The following MANBA variants were observed in gnomAD, a reference collection of about 807,000 sequenced individuals.
MANBA encodes the protein beta-mannosidase.
MANBA carries 83 observed loss-of-function variants against 111.1 expected under a neutral mutation model. That is an observed-to-expected ratio of 0.75 (90% CI 0.63 to 0.90). MANBA has a LOEUF of 0.90. MANBA is among the 40% of genes least tolerant of loss of function. The pLI is 0.00. For synonymous variants in MANBA, 370 were observed against 378.7 expected (o/e 0.98, Z 0.27); for missense variants, 1,036 against 1,069.0 (o/e 0.97, Z 0.43).
At chr4:102,760,681 G>A in intron 1 of MANBA, 37 bp downstream of exon 1, 2 of 1,503,470 alleles carry the variant, frequency 1.3e-6, no homozygotes. Context: ...AGAAGAAGGC[G>A]GGCGCAGGCT....
In MANBA at chr4:102,642,593, C is replaced by T. The variant is rs564100460; in HGVS notation, c.1870-2736G>A. Among the ~76,000 whole-genome samples, 206 of 152,094 alleles carry T rather than the reference C, an allele frequency of 1.4e-3. No individual in the cohort carries two copies. In the Middle Eastern group the frequency reaches 0.027, roughly 20 times the overall value. On this transcript the variant is annotated intron_variant, in intron 13 of 16. Coordinates refer to ENST00000647097, the MANE Select transcript of MANBA (RefSeq NM_005908.4). Reference sequence around the variant, plus strand: ...CTGCACTCCAGCCTGGACAACAGAGCGAGACTCTGTCTAAAAAAGAAGAAA... The same window carrying T: ...CTGCACTCCAGCCTGGACAACAGAGTGAGACTCTGTCTAAAAAAGAAGAAA...
In MANBA at chr4:102,635,039, C is replaced by T. The variant is rs965082559; in HGVS notation, c.2164G>A (p.Val722Ile). The change falls in exon 16 of 17, where the codon GTC becomes ATC. Residue 722 changes from valine (V) to isoleucine (I), a missense_variant. Coordinates refer to ENST00000647097, the MANE Select transcript of MANBA (RefSeq NM_005908.4). ...GGCTCCAGGGAGCTCCATGTATGGA[C>T]TCTCACCTGGGGAGAAATAAAACAG... ...SDYSMTLSVR[V>I]HTWSSLEPVC... The T allele has an allele frequency of 1.2e-6, 2 of 1,614,042 alleles. No homozygotes were observed. The highest frequency in any genetic ancestry group is 2.7e-5 in the African/African-American group (2 of 74,934).
In MANBA at chr4:102,634,974, T is replaced by G. The variant is rs373563358; in HGVS notation, c.2229A>C (p.Gly743=). The change falls in exon 16 of 17, where the codon GGA becomes GGC. Residue 743 remains glycine (G), a synonymous_variant. Coordinates refer to ENST00000647097, the MANE Select transcript of MANBA (RefSeq NM_005908.4). ...CCTCATAAAGGCAGACAGCCTCTCC[T>G]CCTTTCATCACAAAACGTTCAGTCA... ...SRVTERFVMK[G]GEAVCLYEEP... 2.5e-6 allele frequency: 4 copies of G among 1,614,012 alleles called. No individual in the cohort carries two copies. The highest frequency in any genetic ancestry group is 3.3e-5 in the Admixed American group (2 of 60,010).
intron 7 of MANBA, among the ~76,000 whole-genome samples, chr4:102,680,961 T>G (rs1451018402): frequency 2.0e-5 from 3 of 152,240 alleles, no homozygotes; most frequent in African/African-American, 7.2e-5. Context: ...TAGGCCTATC[T>G]GACCAATTCA....
intron 13 of MANBA, among the ~76,000 whole-genome samples, chr4:102,645,864 G>C (rs754340330): frequency 2.6e-5 from 4 of 152,000 alleles, no homozygotes; most frequent in Non-Finnish European, 5.9e-5. Flanking sequence ...TTCTAATGAG[G>C]TCTTTATTTA....
Position 102,724,027 on chromosome 4 carries a change from CTT to C in MANBA, c.273-62_273-61del, listed in dbSNP as rs1722689894. 3 of 902,922 alleles carry C rather than the reference CTT, an allele frequency of 3.3e-6. No individual in the cohort carries two copies. The Admixed American group carries it at 6.3e-5, about 19-fold the overall frequency. 55.9% of individuals were successfully genotyped at this position (902,922 alleles called of 1,614,324 possible). ...GTAAAGCATTAACTTAGATAAGTCTCTTTTTTATTATTTAAGGCCTAAAGAAA... is the reference window on the plus strand; with the variant it reads ...GTAAAGCATTAACTTAGATAAGTCTCTTTTATTATTTAAGGCCTAAAGAAA... On this transcript the variant is annotated intron_variant, in intron 2 of 16. Transcript: ENST00000647097.
chr4:102,647,607 A>G (rs762500020), intron 13 of MANBA, among the ~76,000 whole-genome samples: 1 of 152,032 alleles, frequency 6.6e-6, no homozygotes, highest in Non-Finnish European at 1.5e-5. Flanking sequence ...ATATGTCAGA[A>G]CACTTTAACA....
At chr4:102,656,062 G>A (rs1048555125) in intron 12 of MANBA, among the ~76,000 whole-genome samples, 6 of 152,152 alleles carry the variant, frequency 3.9e-5, no homozygotes, top group South Asian at 2.1e-4. Flanking sequence ...AGACCAGCCT[G>A]GATGATTTGG....
intron 1 of MANBA, chr4:102,729,432 G>T: frequency 1.6e-6 from 2 of 1,244,942 alleles, no homozygotes; most frequent in Non-Finnish European, 2.3e-6. Context: ...TGTTGTCCAT[G>T]GGCAGCACCA....
intron 6 of MANBA, 87 bp from the exon 7 acceptor site, chr4:102,689,771 A>T (rs1393042356): frequency 3.7e-6 from 3 of 801,298 alleles, no homozygotes; most frequent in Non-Finnish European, 6.7e-6. Flanking sequence ...TCAAATAGTC[A>T]AGTACAAAAC....
chr4:102,729,738 T>C lies in MANBA; in HGVS notation c.178-3055A>G, dbSNP rs1722958129. ...AGTCTTCAGCTGCTGCCTAAGGTTG[T>C]TGATGTAGCTCTGGAACATGTTGTC... On this transcript the variant is annotated intron_variant, in intron 1 of 16. Coordinates refer to ENST00000647097, the MANE Select transcript of MANBA (RefSeq NM_005908.4). 4 of 1,381,934 alleles carry C rather than the reference T, an allele frequency of 2.9e-6. No individual in the cohort carries two copies. The South Asian group carries it at 4.6e-5, about 16-fold the overall frequency. The allele number at this position is 1,381,934 out of a possible 1,614,324, so 85.6% of individuals were successfully genotyped here. A position where few individuals can be genotyped will look rare whatever the true frequency, so the allele number is the denominator to read the frequency against.
intron 8 of MANBA, chr4:102,672,113 G>A (rs1182515256): frequency 5.0e-6 from 2 of 398,640 alleles, no homozygotes; most frequent in East Asian, 7.1e-5. Context: ...TCCCGTGGCT[G>A]TGTCTGGAGA....
chr4:102,752,628 A>C, intron 1 of MANBA: 1 of 585,324 alleles, frequency 1.7e-6, no homozygotes, highest in South Asian at 1.4e-5. Flanking sequence ...ACCACTTTCC[A>C]TGTGGGGGCA....
chr4:102,698,718 C>G (rs1319245771), intron 5 of MANBA, among the ~76,000 whole-genome samples: 1 of 151,802 alleles, frequency 6.6e-6, no homozygotes. Context: ...TGATCTATAT[C>G]TCTGTTTTGG....
At chr4:102,728,928 T>C in intron 1 of MANBA, 1 of 756,534 alleles carries the variant, frequency 1.3e-6, no homozygotes, top group Non-Finnish European at 2.4e-6. Context: ...TAACCACTGG[T>C]GGTCTTTGTA....
At chr4:102,692,131 A>G (rs1301047422) in intron 5 of MANBA, among the ~76,000 whole-genome samples, 1 of 152,158 alleles carries the variant, frequency 6.6e-6, no homozygotes, top group African/African-American at 2.4e-5. Context: ...GCATTTTATA[A>G]GAATTGCTAA....
intron 5 of MANBA, among the ~76,000 whole-genome samples, chr4:102,703,124 T>C (rs1733137634): frequency 6.6e-6 from 1 of 151,904 alleles, no homozygotes; most frequent in African/African-American, 2.4e-5. Context: ...TTAGTTGTTG[T>C]TTGTTTACTT....
At chr4:102,712,930 C>T (rs945101630) in intron 5 of MANBA, among the ~76,000 whole-genome samples, 1 of 152,006 alleles carries the variant, frequency 6.6e-6, no homozygotes, top group African/African-American at 2.4e-5. Flanking sequence ...ATTTTAGTAG[C>T]GAAAATCTTT....
At chr4:102,692,747 T>G (rs6827789) in intron 5 of MANBA, among the ~76,000 whole-genome samples, 4,588 of 152,080 alleles carry the variant, frequency 0.03, 240 homozygotes, top group African/African-American at 0.1. Context: ...TCCTATTTAG[T>G]GGCTTCTATT....
Sources: gnomAD v4.1 joint callset for allele counts (sites outside exome capture counted in the v4.1 genomes callset) on GRCh38, gnomAD v4.1.1 for gene constraint, MANE v1.5 for transcripts, NCBI Gene and HGNC (gene_info 2026-07-23, HGNC 2026-07-21) for gene names.